Variants in CA5A observed in about 807,000 individuals in gnomAD.
CA5A encodes carbonic anhydrase 5A, mitochondrial.
A neutral mutation model predicts 37.1 loss-of-function variants in CA5A; 28 were observed. The observed-to-expected ratio is 0.75, with a 90% CI of 0.56 to 1.03. The LOEUF is 1.03. CA5A is among the 50% of genes least tolerant of loss of function. The probability of loss-of-function intolerance (pLI) is 0.00; values close to 1 mark genes in which losing one functional copy is unlikely to be tolerated. For synonymous variants in CA5A, 171 were observed against 158.4 expected (o/e 1.08, Z -0.60); for missense variants, 444 against 399.9 (o/e 1.11, Z -0.94).
chr16:87,929,638 C>T (rs987208769), intron 1 of CA5A, among the ~76,000 whole-genome samples: 43 of 151,778 alleles, frequency 2.8e-4, no homozygotes, highest in East Asian at 2.7e-3. Flanking sequence ...TTTGGGAGGC[C>T]GAGGTGGGCG....
intron 1 of CA5A, among the ~76,000 whole-genome samples, chr16:87,930,548 G>C (rs921244543): frequency 1.2e-4 from 19 of 152,216 alleles, no homozygotes; most frequent in African/African-American, 4.6e-4. Context: ...AAGTGGACGT[G>C]TTGTGAGGGC....
At chr16:87,909,156 G>A (rs1237516207) in intron 2 of CA5A, among the ~76,000 whole-genome samples, 2 of 151,954 alleles carry the variant, frequency 1.3e-5, no homozygotes, top group Non-Finnish European at 2.9e-5. Flanking sequence ...TACTGCAGCA[G>A]CCTCTGATGG....
intron 1 of CA5A, among the ~76,000 whole-genome samples, chr16:87,929,871 C>CAAAAAAAAAAAAAAAAA (rs58941982): frequency 1.6e-5 from 1 of 62,368 alleles, no homozygotes; most frequent in Non-Finnish European, 2.7e-5. Context: ...GACTCCGTCT[C>CAAAAAAAAAAAAAAAAA]AAAAAAAAAA....
intron 2 of CA5A, among the ~76,000 whole-genome samples, chr16:87,925,970 C>T (rs1213676033): frequency 6.6e-6 from 1 of 152,156 alleles, no homozygotes; most frequent in Non-Finnish European, 1.5e-5. Flanking sequence ...CGCCTGTAAC[C>T]CCAGCACTTT....
At chr16:87,900,986 G>A (rs1312417491) in intron 5 of CA5A, among the ~76,000 whole-genome samples, 1 of 152,240 alleles carries the variant, frequency 6.6e-6, no homozygotes, top group Non-Finnish European at 1.5e-5. Context: ...AGCACCTTGG[G>A]ACGCCAAGGC....
At chr16:87,890,108 G>T (rs1489200643) in intron 6 of CA5A, among the ~76,000 whole-genome samples, 1 of 152,216 alleles carries the variant, frequency 6.6e-6, no homozygotes, top group African/African-American at 2.4e-5. Flanking sequence ...TGGCTCCCCT[G>T]CTCAGGATAA....
At chr16:87,926,612 G>A (rs763055485) in intron 2 of CA5A, 136 bp downstream of exon 2, 12 of 681,820 alleles carry the variant, frequency 1.8e-5, no homozygotes, top group East Asian at 5.2e-5. Context: ...TCCCTCAAGC[G>A]AGTCTCTGTC....
At chr16:87,932,406 G>A (rs904890619) in intron 1 of CA5A, among the ~76,000 whole-genome samples, 2 of 152,128 alleles carry the variant, frequency 1.3e-5, no homozygotes, top group South Asian at 2.1e-4. Context: ...CTGCACCAAC[G>A]GGCCCACCAA....
intron 3 of CA5A, among the ~76,000 whole-genome samples, chr16:87,903,282 C>T (rs545644611): frequency 1.2e-4 from 18 of 152,064 alleles, no homozygotes; most frequent in Non-Finnish European, 2.6e-4. Context: ...ACTACAAAAA[C>T]TAGCCAGGCG....
intron 2 of CA5A, among the ~76,000 whole-genome samples, chr16:87,918,554 C>T (rs1333030289): frequency 3.9e-5 from 6 of 152,294 alleles, no homozygotes; most frequent in South Asian, 2.1e-4. Flanking sequence ...GTGTCCACGC[C>T]GACGGAAATT....
chr16:87,915,459 C>A (rs1172705071), intron 2 of CA5A, among the ~76,000 whole-genome samples: 3 of 150,760 alleles, frequency 2.0e-5, no homozygotes, highest in African/African-American at 7.3e-5. Context: ...GGTTTGAGCT[C>A]AGGAGAAGCT....
chr16:87,903,005 C>T (rs2143953125), intron 3 of CA5A, among the ~76,000 whole-genome samples: 1 of 152,014 alleles, frequency 6.6e-6, no homozygotes. Flanking sequence ...CTTGACGAAG[C>T]CACAGGAAGG....
chr16:87,893,475 T>A, intron 5 of CA5A: 1 of 550,264 alleles, frequency 1.8e-6, no homozygotes, highest in Non-Finnish European at 3.6e-6. Flanking sequence ...GCATCCAGTA[T>A]CTCCGTGATT....
At chr16:87,888,402 G>A in intron 6 of CA5A, 130 bp from the exon 7 acceptor site, 9 of 808,640 alleles carry the variant, frequency 1.1e-5, no homozygotes, top group South Asian at 3.7e-5. Flanking sequence ...AATAAATATG[G>A]TGGAAGTGAT....
At position 87,888,260 on chromosome 16, in the gene CA5A, G is replaced by C; in HGVS notation, c.787C>G (p.Arg263Gly). ...EVAPSQLSAFRTLLFSALGEE... is the reference protein window; with the variant it reads ...EVAPSQLSAFGTLLFSALGEE... ...CCAAGTGCAGAAAACAGGAGAGTAC[G>C]AAATGCAGAGAGCTGGAATAGAGGG... is the stretch of plus-strand genomic sequence containing the variant. Residue 263 changes from arginine to glycine, a missense_variant, in exon 7 of 7, where the codon CGT becomes GGT. Physicochemically the swap from Arg to Gly is moderately radical, Grantham distance 125. Transcript: ENST00000649794. 1 of 1,613,254 alleles carries C rather than the reference G, an allele frequency of 6.2e-7. No individual in the cohort carries two copies. Among genetic ancestry groups the C allele is most frequent in the Non-Finnish European group, 8.5e-7 (1 of 1,179,410 alleles).
intron 5 of CA5A, among the ~76,000 whole-genome samples, chr16:87,896,981 G>A (rs59389674): frequency 0.3 from 46,099 of 152,134 alleles, 7,759 homozygotes; most frequent in African/African-American, 0.45. Context: ...CACATTTTAT[G>A]AGCGTCAAGC....
At chr16:87,922,953 T>C (rs112988657) in intron 2 of CA5A, among the ~76,000 whole-genome samples, 143 of 152,280 alleles carry the variant, frequency 9.4e-4, no homozygotes, top group African/African-American at 3.1e-3. Context: ...GGTTTGTATC[T>C]CCCACGACTG....
At position 87,936,486 on chromosome 16, in the gene CA5A, G is replaced by A. The variant is rs201097814; in HGVS notation, c.-36C>T. The A allele has an allele frequency of 2.0e-5, 32 of 1,611,240 alleles. No homozygotes were observed. The highest frequency in any genetic ancestry group is 2.6e-5 in the Non-Finnish European group (31 of 1,179,066). On this transcript the variant is annotated 5_prime_UTR_variant, in exon 1 of 7. Coordinates refer to ENST00000649794, the MANE Select transcript of CA5A (RefSeq NM_001739.2). Reference sequence around the variant, plus strand: ...TTCCCACTGACTCCAGTCTGAAGAGGGTGATGTTCCCTGCTGTCTGTTCTC... The same window carrying A: ...TTCCCACTGACTCCAGTCTGAAGAGAGTGATGTTCCCTGCTGTCTGTTCTC...
chr16:87,883,201 T>C (rs1364947953), downstream of CA5A: 2 of 152,222 alleles, frequency 1.3e-5, no homozygotes, highest in African/African-American at 4.8e-5. Flanking sequence ...TTCTTTGTAT[T>C]TTTAGAAGAG....
Sources: allele counts gnomAD v4.1 joint callset (sites outside exome capture counted in the v4.1 genomes callset), GRCh38; gene constraint gnomAD v4.1.1; transcripts MANE v1.5; gene names NCBI Gene and HGNC (gene_info 2026-07-23, HGNC 2026-07-21).